The following ESRRG variants were observed in gnomAD, a reference collection of about 807,000 sequenced individuals.
ESRRG encodes the protein estrogen-related receptor gamma.
A neutral mutation model predicts 44.0 loss-of-function variants in ESRRG; 13 were observed. The ratio of observed to expected loss-of-function variants is 0.30; its 90% CI spans 0.19 to 0.47. ESRRG has a LOEUF of 0.47. ESRRG is among the 20% of genes least tolerant of loss of function. The probability of loss-of-function intolerance (pLI) is 1.00; values close to 1 mark genes in which losing one functional copy is unlikely to be tolerated. For synonymous variants in ESRRG, 215 were observed against 214.6 expected (o/e 1.00, Z -0.02); for missense variants, 395 against 580.6 (o/e 0.68, Z 3.29).
At chr1:216,556,823 G>C (rs1398357516) in intron 5 of ESRRG, among the ~76,000 whole-genome samples, 1 of 152,100 alleles carries the variant, frequency 6.6e-6, no homozygotes, top group Non-Finnish European at 1.5e-5. Context: ...AATTTGTGCT[G>C]TATTCATGTG....
intron 5 of ESRRG, among the ~76,000 whole-genome samples, chr1:216,527,881 G>C (rs1008180439): frequency 1.3e-5 from 2 of 152,156 alleles, no homozygotes; most frequent in African/African-American, 4.8e-5. Flanking sequence ...TGGATGTGAA[G>C]ATCTGCTGCT....
chr1:216,648,337 T>TA (rs1336693580), intron 3 of ESRRG, among the ~76,000 whole-genome samples: 2 of 152,102 alleles, frequency 1.3e-5, no homozygotes, highest in Non-Finnish European at 2.9e-5. Flanking sequence ...GGGAGGTGGT[T>TA]AAAAAACTGA....
intron 2 of ESRRG, among the ~76,000 whole-genome samples, chr1:216,934,626 G>T (rs774888886): frequency 6.6e-6 from 1 of 152,100 alleles, no homozygotes; most frequent in African/African-American, 2.4e-5. Context: ...AAAGCCACAA[G>T]ATCTCATGAG....
intron 2 of ESRRG, among the ~76,000 whole-genome samples, chr1:216,903,906 G>A (rs1468145423): frequency 6.6e-6 from 1 of 152,114 alleles, no homozygotes; most frequent in South Asian, 2.1e-4. Context: ...TTTGTTTTAA[G>A]GAGGACACGC....
chr1:216,994,799 A>T (rs1579219799), intron 1 of ESRRG, among the ~76,000 whole-genome samples: 1 of 151,282 alleles, frequency 6.6e-6, no homozygotes, highest in Admixed American at 6.6e-5. Context: ...TGTTACCGGG[A>T]TGGTCTCGAT....
chr1:216,888,268 A>G (rs769029259), intron 2 of ESRRG, among the ~76,000 whole-genome samples: 3 of 152,172 alleles, frequency 2.0e-5, no homozygotes, highest in African/African-American at 4.8e-5. Context: ...TTAAAATCCA[A>G]TTCTGGGCTT....
chr1:216,904,925 G>A (rs1240222668), intron 2 of ESRRG, among the ~76,000 whole-genome samples: 1 of 152,100 alleles, frequency 6.6e-6, no homozygotes, highest in African/African-American at 2.4e-5. Flanking sequence ...CCCAAAATGA[G>A]ATTAAGGGCC....
chr1:216,979,974 A>G (rs1006275898), intron 1 of ESRRG, among the ~76,000 whole-genome samples: 3 of 152,172 alleles, frequency 2.0e-5, no homozygotes, highest in African/African-American at 7.2e-5. Flanking sequence ...ACACCTCCCA[A>G]GGAAGTGTCT....
intron 2 of ESRRG, among the ~76,000 whole-genome samples, chr1:216,847,226 A>G (rs2148938227): frequency 6.6e-6 from 1 of 152,210 alleles, no homozygotes; most frequent in Non-Finnish European, 1.5e-5. Flanking sequence ...AAGATGTGTG[A>G]GGGTATAAAT....
At chr1:217,091,654 C>A (rs545006517), upstream of ESRRG, among the ~76,000 whole-genome samples, 9 of 152,318 alleles carry the variant, frequency 5.9e-5, no homozygotes, top group African/African-American at 2.2e-4. Flanking sequence ...CTCTGGCTCA[C>A]TTTGCTTATC....
chr1:216,937,125 A>G (rs1403581941), intron 2 of ESRRG, among the ~76,000 whole-genome samples: 2 of 152,156 alleles, frequency 1.3e-5, no homozygotes, highest in East Asian at 3.8e-4. Flanking sequence ...AAAGAAAAAA[A>G]AAACTCAAAT....
chr1:216,646,946 C>T (rs892500055), intron 3 of ESRRG, among the ~76,000 whole-genome samples: 1 of 152,062 alleles, frequency 6.6e-6, no homozygotes, highest in East Asian at 1.9e-4. Flanking sequence ...AAGGTGAAAG[C>T]CATCATGCCA....
Position 216,966,014 on chromosome 1 carries a change from T to C in ESRRG, c.-105-26341A>G, listed in dbSNP as rs1486631378. Among the ~76,000 whole-genome samples, 3 of 152,286 alleles carry C rather than the reference T, an allele frequency of 2.0e-5. No individual in the cohort carries two copies. The East Asian group carries it at 5.8e-4, about 29-fold the overall frequency. ...TCTGCATTTCTAATGCGCTCCAAAATGATACTGACACTGCTGGTATGTGGG... is the reference window on the plus strand; with the variant it reads ...TCTGCATTTCTAATGCGCTCCAAAACGATACTGACACTGCTGGTATGTGGG... On this transcript the variant is annotated intron_variant, in intron 1 of 7. Transcript: ENST00000359162.
At chr1:216,826,186 GAC>G (rs1419034168) in intron 2 of ESRRG, among the ~76,000 whole-genome samples, 1 of 135,662 alleles carries the variant, frequency 7.4e-6, no homozygotes, top group Admixed American at 7.5e-5. Context: ...ATTGTTTAAG[GAC>G]AAAAAAAAAA....
At chr1:217,093,379 A>G (rs961125342), upstream of ESRRG, among the ~76,000 whole-genome samples, 5 of 152,066 alleles carry the variant, frequency 3.3e-5, no homozygotes, top group African/African-American at 9.7e-5. Flanking sequence ...TGTTTTTTTG[A>G]AGGATGCGAA....
intron 2 of ESRRG, chr1:216,864,726 C>CTT (rs10636044): frequency 0.49 from 74,476 of 151,680 alleles, 20,705 homozygotes; most frequent in African/African-American, 0.77. Context: ...CGTGGAGTAA[C>CTT]AGACCAACTT....
chr1:216,526,603 C>T (rs2047734014), intron 5 of ESRRG, among the ~76,000 whole-genome samples: 1 of 152,172 alleles, frequency 6.6e-6, no homozygotes, highest in South Asian at 2.1e-4. Context: ...TTATGTCACC[C>T]AGTCTTTGGT....
chr1:216,825,328 T>G (rs2148666062), intron 2 of ESRRG, among the ~76,000 whole-genome samples: 1 of 152,344 alleles, frequency 6.6e-6, no homozygotes, highest in African/African-American at 2.4e-5. Context: ...ACATTGGTTA[T>G]ACAGCTGAAT....
chr1:216,635,303 G>T (rs1312634191), intron 3 of ESRRG, among the ~76,000 whole-genome samples: 1 of 152,160 alleles, frequency 6.6e-6, no homozygotes, highest in Non-Finnish European at 1.5e-5. Context: ...GGCAGAACTT[G>T]AGCAGGCAAG....
Sources: allele counts gnomAD v4.1 joint callset (sites outside exome capture counted in the v4.1 genomes callset), GRCh38; gene constraint gnomAD v4.1.1; transcripts MANE v1.5; gene names NCBI Gene and HGNC (gene_info 2026-07-23, HGNC 2026-07-21).